The following ZNF429 variants were observed in gnomAD, a reference collection of about 807,000 sequenced individuals.
The protein encoded by ZNF429 is zinc finger protein 429.
Under a neutral mutation model 56.8 loss-of-function variants are expected in ZNF429, and 53 were observed. The observed-to-expected ratio is 0.93, with a 90% CI of 0.75 to 1.17. The LOEUF (loss-of-function observed/expected upper bound fraction) is 1.17. Among genes scored for constraint, ZNF429 ranks in the 50% most tolerant of loss-of-function variants. The probability of loss-of-function intolerance (pLI) is 0.00; values close to 1 mark genes in which losing one functional copy is unlikely to be tolerated. For missense variants in ZNF429, 849 were observed against 788.4 expected (o/e 1.08, Z -0.92); for synonymous variants, 278 against 264.7 (o/e 1.05, Z -0.49).
At chr19:21,524,884 G>A (rs2033109084) in intron 1 of ZNF429, among the ~76,000 whole-genome samples, 1 of 152,186 alleles carries the variant, frequency 6.6e-6, no homozygotes, top group Admixed American at 6.5e-5. Context: ...TTGGTACCCA[G>A]ATGAGAGTTT....
intron 1 of ZNF429, among the ~76,000 whole-genome samples, chr19:21,506,764 TTTG>T (rs1329442484): frequency 2.6e-4 from 37 of 143,156 alleles, no homozygotes; most frequent in African/African-American, 9.3e-4. Flanking sequence ...GAGTTAGTTT[TTTG>T]TTTTTTTTTT....
rs1445735880 is a variant in ZNF429, at chr19:21,539,901, C to G, written c.*1823C>G. Among the ~76,000 whole-genome samples, 2 of 152,090 alleles carry G rather than the reference C, an allele frequency of 1.3e-5. No individual in the cohort carries two copies. Among genetic ancestry groups the G allele is most frequent in the Non-Finnish European group, 2.9e-5 (2 of 68,006 alleles). On this transcript the variant is annotated 3_prime_UTR_variant, in exon 4 of 4. Coordinates refer to ENST00000358491, the MANE Select transcript of ZNF429 (RefSeq NM_001001415.4). ...TAGACTCATTAGGTGGAAATTATGG[C>G]CTCTTCTGTAAAAAAGTAAGGACAT...
In ZNF429 at chr19:21,537,742, A is replaced by G; in HGVS notation, c.1689A>G (p.Lys563=). ...TQHKKIHTGE[K]PYKCKQCDKA... ...ATAAGAAAATTCATACTGGAGAGAA[A>G]CCCTACAAATGTAAACAATGTGACA... Residue 563 remains lysine (K), a synonymous_variant, in exon 4 of 4, where the codon AAA becomes AAG. Coordinates refer to ENST00000358491, the MANE Select transcript of ZNF429 (RefSeq NM_001001415.4). 1 of 1,613,828 alleles carries G rather than the reference A, an allele frequency of 6.2e-7. No individual in the cohort carries two copies. Among genetic ancestry groups the G allele is most frequent in the Non-Finnish European group, 8.5e-7 (1 of 1,179,982 alleles).
chr19:21,535,411 CTTT>C, intron 3 of ZNF429, among the ~76,000 whole-genome samples: 5,151 of 38,422 alleles, frequency 0.13, 928 homozygotes, highest in Middle Eastern at 0.2. Flanking sequence ...CTTTCTTTTT[CTTT>C]TCTTTCTTTC....
rs898841953 is a variant in ZNF429, at chr19:21,537,646, T to A, written c.1593T>A (p.His531Gln). Residue 531 changes from histidine (H) to glutamine (Q), a missense_variant, in exon 4 of 4, where the codon CAT becomes CAA. Coordinates refer to ENST00000358491, the MANE Select transcript of ZNF429 (RefSeq NM_001001415.4). ...SSRLTQHKKI[H>Q]TGEKPYKCEE... ...GACTTACTCAACATAAGAAAATTCATACTGGAGAGAAACCTTACAAATGTG... is the reference window on the plus strand; with the variant it reads ...GACTTACTCAACATAAGAAAATTCAAACTGGAGAGAAACCTTACAAATGTG... 3 of 1,613,420 alleles carry A rather than the reference T, an allele frequency of 1.9e-6. No individual in the cohort carries two copies. In the African/African-American group the frequency reaches 4.0e-5, roughly 22 times the overall value.
At chr19:21,531,106 C>CAAAAAAAAAAAAAAAAAA in intron 3 of ZNF429, among the ~76,000 whole-genome samples, 2 of 17,534 alleles carry the variant, frequency 1.1e-4, no homozygotes, top group East Asian at 1.6e-3. Flanking sequence ...AACTCCATCT[C>CAAAAAAAAAAAAAAAAAA]AAAAAAAAAA....
chr19:21,531,613 G>A, intron 3 of ZNF429, among the ~76,000 whole-genome samples: 1 of 152,144 alleles, frequency 6.6e-6, no homozygotes, highest in East Asian at 1.9e-4. Context: ...AGACCAGCCT[G>A]GCCAACTTGG....
At chr19:21,517,941 C>T (rs1338888109) in intron 1 of ZNF429, among the ~76,000 whole-genome samples, 2 of 151,724 alleles carry the variant, frequency 1.3e-5, no homozygotes, top group African/African-American at 4.8e-5. Context: ...CTACGGGCAC[C>T]CGCCACCATG....
rs1292928380 is a variant in ZNF429 at position 21,540,507 on chromosome 19, TTATG to T, written c.*2432_*2435del. Among the ~76,000 whole-genome samples the T allele has an allele frequency of 6.6e-5, 10 of 152,222 alleles. No homozygotes were observed. Among genetic ancestry groups the T allele is most frequent in the African/African-American group, 2.4e-4 (10 of 41,546 alleles). On this transcript the variant is annotated 3_prime_UTR_variant, in exon 4 of 4. Transcript: ENST00000358491. ...ATTACATCAATTACATCAGGGTAAATTATGTAGCCATTACTTGTAACATTTATCT... is the reference window on the plus strand; with the variant it reads ...ATTACATCAATTACATCAGGGTAAATTAGCCATTACTTGTAACATTTATCT...
At chr19:21,535,407 T>C in intron 3 of ZNF429, among the ~76,000 whole-genome samples, 9 of 11,502 alleles carry the variant, frequency 7.8e-4, no homozygotes, top group African/African-American at 5.7e-3. Context: ...CTTTCTTTCT[T>C]TTTCTTTTCT....
chr19:21,507,667 T>C (rs1362695059), intron 1 of ZNF429: 2 of 152,524 alleles, frequency 1.3e-5, no homozygotes, highest in Non-Finnish European at 2.9e-5. Flanking sequence ...GTCATGGCTA[T>C]GTCTGCAAGA....
chr19:21,506,913 C>T (rs536140957), intron 1 of ZNF429, among the ~76,000 whole-genome samples: 3 of 151,882 alleles, frequency 2.0e-5, no homozygotes, highest in East Asian at 3.9e-4. Flanking sequence ...GGATTATAGG[C>T]AGGCACCACC....
rs1361729478 is a variant in ZNF429, at chr19:21,511,192, G to T, written c.3+5418G>T. ...GAGTCCCCCACCTCCCGGATGGGGC[G>T]GCTGGCCGGGCGGGGGCTGACCCCC... On this transcript the variant is annotated intron_variant, in intron 1 of 3. Coordinates refer to ENST00000358491, the MANE Select transcript of ZNF429 (RefSeq NM_001001415.4). Among the ~76,000 whole-genome samples the T allele has an allele frequency of 9.9e-5, 15 of 151,952 alleles. No homozygotes were observed. In the South Asian group the frequency reaches 1.2e-3, roughly 13 times the overall value.
In ZNF429 at chr19:21,537,742, A is replaced by C; in HGVS notation, c.1689A>C (p.Lys563Asn). The change falls in exon 4 of 4, where the codon AAA (lysine) becomes AAC (asparagine). Residue 563 changes from lysine (K) to asparagine (N), a missense_variant. By Grantham distance (94) the Lys-to-Asn change is moderately conservative. Transcript: ENST00000358491. ...TQHKKIHTGEKPYKCKQCDKA... is the reference protein window; with the variant it reads ...TQHKKIHTGENPYKCKQCDKA... ...ATAAGAAAATTCATACTGGAGAGAA[A>C]CCCTACAAATGTAAACAATGTGACA... The C allele has an allele frequency of 6.2e-7, 1 of 1,613,828 alleles. No individual in the cohort carries two copies. Among genetic ancestry groups the C allele is most frequent in the Non-Finnish European group, 8.5e-7 (1 of 1,179,982 alleles).
intron 1 of ZNF429, among the ~76,000 whole-genome samples, chr19:21,512,662 CAAAAAAAAAA>C (rs35584125): frequency 3.7e-5 from 3 of 81,388 alleles, no homozygotes; most frequent in African/African-American, 9.8e-5. Context: ...GACTCCATCT[CAAAAAAAAAA>C]AAAAAAAAAA....
In ZNF429 at chr19:21,539,501, C is replaced by T. The variant is rs902393941; in HGVS notation, c.*1423C>T. ...CAGTGGCACAATTTCAGCTTGCTGC[C>T]AACTTCGACCTTTGGGTTCAAGCAG... On this transcript the variant is annotated 3_prime_UTR_variant, in exon 4 of 4. Transcript: ENST00000358491. 1.3e-5 allele frequency among the ~76,000 whole-genome samples: 2 copies of T among 151,970 alleles called. No homozygotes were observed. Among genetic ancestry groups the T allele is most frequent in the Non-Finnish European group, 2.9e-5 (2 of 68,004 alleles).
intron 1 of ZNF429, among the ~76,000 whole-genome samples, chr19:21,515,961 T>C (rs1461105950): frequency 2.0e-5 from 3 of 152,326 alleles, no homozygotes; most frequent in Admixed American, 6.5e-5. Context: ...TTTGTACCAG[T>C]ACCATGCTGC....
At chr19:21,519,904 C>T (rs867039298) in intron 1 of ZNF429, among the ~76,000 whole-genome samples, 8 of 151,060 alleles carry the variant, frequency 5.3e-5, no homozygotes, top group South Asian at 2.1e-4. Flanking sequence ...CTTTGTTGCC[C>T]GGGCTGGAGT....
At position 21,539,124 on chromosome 19, in the gene ZNF429, A is replaced by G. The variant is rs1350127453; in HGVS notation, c.*1046A>G. Among the ~76,000 whole-genome samples the G allele has an allele frequency of 1.3e-5, 2 of 152,174 alleles. No individual in the cohort carries two copies. Among genetic ancestry groups the G allele is most frequent in the East Asian group, 1.9e-4 (1 of 5,198 alleles). On this transcript the variant is annotated 3_prime_UTR_variant, in exon 4 of 4. Coordinates refer to ENST00000358491, the MANE Select transcript of ZNF429 (RefSeq NM_001001415.4). Reference sequence around the variant, plus strand: ...AGTTTATATTAACATATATTTTTGCATATGGCCATATGTATAAAAATATTT... The same window carrying G: ...AGTTTATATTAACATATATTTTTGCGTATGGCCATATGTATAAAAATATTT...
Sources: gnomAD v4.1 joint callset for allele counts (sites outside exome capture counted in the v4.1 genomes callset) on GRCh38, gnomAD v4.1.1 for gene constraint, MANE v1.5 for transcripts, NCBI Gene and HGNC (gene_info 2026-07-23, HGNC 2026-07-21) for gene names.